GABRB2: variants seen among roughly 807,000 people sequenced by gnomAD.
GABRB2 encodes the protein gamma-aminobutyric acid receptor subunit beta-2.
In GABRB2, 16 loss-of-function variants were observed where a neutral mutation model predicts 54.7. The observed-to-expected ratio is 0.29, with a 90% CI of 0.20 to 0.44. The LOEUF (loss-of-function observed/expected upper bound fraction) is 0.44, where lower values mean the gene tolerates loss of function less well. GABRB2 is among the 20% of genes least tolerant of loss of function. The probability of loss-of-function intolerance (pLI) is 1.00; values close to 1 mark genes in which losing one functional copy is unlikely to be tolerated. For synonymous variants in GABRB2, 244 were observed against 233.8 expected, an observed-to-expected ratio of 1.04 and a Z score of -0.40; for missense variants, 355 against 644.0, an observed-to-expected ratio of 0.55 and a Z score of 4.86.
At chr5:161,459,994 G>C in intron 3 of GABRB2, 150 bp from the exon 4 acceptor site, 1 of 546,434 alleles carries the variant, frequency 1.8e-6, no homozygotes, top group South Asian at 2.8e-5. Context: ...ACCCAGGCTG[G>C]AGTGCACTGG....
At chr5:161,302,745 T>G (rs2113348526) in intron 9 of GABRB2, among the ~76,000 whole-genome samples, 1 of 152,318 alleles carries the variant, frequency 6.6e-6, no homozygotes. Context: ...CCTGGGAATA[T>G]CCAAAGCGCT....
At chr5:161,344,073 A>G (rs2113421578) in intron 5 of GABRB2, among the ~76,000 whole-genome samples, 2 of 152,230 alleles carry the variant, frequency 1.3e-5, no homozygotes, top group Middle Eastern at 6.8e-3. Context: ...TAATGAGCAT[A>G]AGTCATTTGC....
chr5:161,320,842 A>G (rs914817069), intron 9 of GABRB2, among the ~76,000 whole-genome samples: 2 of 151,976 alleles, frequency 1.3e-5, no homozygotes, highest in African/African-American at 4.8e-5. Flanking sequence ...TATGCTCTAA[A>G]TTAGCTTTCC....
At chr5:161,438,384 G>A (rs1006109389) in intron 4 of GABRB2, among the ~76,000 whole-genome samples, 1 of 152,064 alleles carries the variant, frequency 6.6e-6, no homozygotes, top group Non-Finnish European at 1.5e-5. Flanking sequence ...ATCACAACAT[G>A]CAAATCATTT....
At chr5:161,434,777 G>C (rs146404180) in intron 4 of GABRB2, among the ~76,000 whole-genome samples, 57 of 152,286 alleles carry the variant, frequency 3.7e-4, no homozygotes, top group African/African-American at 1.4e-3. Flanking sequence ...GCCCTAGGTA[G>C]CTAGGTATCC....
intron 5 of GABRB2, among the ~76,000 whole-genome samples, chr5:161,405,346 T>A (rs1561638909): frequency 6.6e-6 from 1 of 152,056 alleles, no homozygotes; most frequent in Non-Finnish European, 1.5e-5. Flanking sequence ...AATTTGATAA[T>A]GATAATGATG....
chr5:161,502,391 G>A (rs1759472875), intron 3 of GABRB2, among the ~76,000 whole-genome samples: 1 of 152,012 alleles, frequency 6.6e-6, no homozygotes, highest in Non-Finnish European at 1.5e-5. Flanking sequence ...TTGTCTGCAA[G>A]AATTGGGCTA....
At chr5:161,305,753 T>C (rs759399301) in intron 9 of GABRB2, among the ~76,000 whole-genome samples, 1 of 152,236 alleles carries the variant, frequency 6.6e-6, no homozygotes, top group Non-Finnish European at 1.5e-5. Context: ...GACATTTGTT[T>C]TGGTTTCTTT....
intron 4 of GABRB2, chr5:161,459,059 T>C (rs181497194): frequency 6.5e-6 from 1 of 153,072 alleles, no homozygotes; most frequent in Admixed American, 6.5e-5. Flanking sequence ...TCTTATTCTA[T>C]AAATTATCCT....
chr5:161,354,517 C>G (rs1049399602), intron 5 of GABRB2, among the ~76,000 whole-genome samples: 1 of 151,962 alleles, frequency 6.6e-6, no homozygotes, highest in Admixed American at 6.6e-5. Context: ...TCATCGAATT[C>G]TCCTTGTCTC....
At chr5:161,489,450 C>T (rs1013294517) in intron 3 of GABRB2, among the ~76,000 whole-genome samples, 5 of 151,516 alleles carry the variant, frequency 3.3e-5, no homozygotes, top group Non-Finnish European at 7.4e-5. Flanking sequence ...ATCTTTCTTT[C>T]TTATGTATGA....
chr5:161,295,280 T>C (rs1299742919), intron 9 of GABRB2, among the ~76,000 whole-genome samples: 1 of 152,174 alleles, frequency 6.6e-6, no homozygotes, highest in Non-Finnish European at 1.5e-5. Flanking sequence ...TCACCTCTCT[T>C]GGATAATTTC....
At chr5:161,369,828 T>C (rs1004075775) in intron 5 of GABRB2, among the ~76,000 whole-genome samples, 5 of 152,338 alleles carry the variant, frequency 3.3e-5, no homozygotes, top group Non-Finnish European at 5.9e-5. Flanking sequence ...CTTCAGTGTT[T>C]AATATGAAAT....
At position 161,289,759 on chromosome 5, in the gene GABRB2, G is replaced by A. The variant is rs1301466771; in HGVS notation, c.*4322C>T. 1.3e-5 allele frequency: 2 copies of A among 151,188 alleles called. No individual in the cohort carries two copies. Among genetic ancestry groups the A allele is most frequent in the African/African-American group, 2.4e-5 (1 of 40,872 alleles). The allele number at this position is 151,188 out of a possible 1,614,324, so 9.4% of individuals were successfully genotyped here. ...TTTCCCATAGACGGGCAGAGAGACA[G>A]AGTGGGTGAGCAAAAGATTATGTGT... On this transcript the variant is annotated 3_prime_UTR_variant, in exon 10 of 10. Coordinates refer to ENST00000393959, the MANE Select transcript of GABRB2 (RefSeq NM_001371727.1).
intron 9 of GABRB2, among the ~76,000 whole-genome samples, chr5:161,318,915 T>C (rs1758124411): frequency 6.6e-6 from 1 of 151,898 alleles, no homozygotes; most frequent in South Asian, 2.1e-4. Context: ...TTTCTTCCCT[T>C]CCATTACATT....
At chr5:161,435,183 C>A (rs1561648978) in intron 4 of GABRB2, among the ~76,000 whole-genome samples, 3 of 151,088 alleles carry the variant, frequency 2.0e-5, no homozygotes, top group Non-Finnish European at 3.0e-5. Flanking sequence ...AAATTATAAT[C>A]AAAAAATGGA....
chr5:161,408,788 G>A (rs569630009), intron 5 of GABRB2, among the ~76,000 whole-genome samples: 3 of 151,882 alleles, frequency 2.0e-5, no homozygotes, highest in Non-Finnish European at 4.4e-5. Flanking sequence ...GAGCTGAGAT[G>A]GGAAAGATGA....
At chr5:161,476,365 G>A (rs957011577) in intron 3 of GABRB2, among the ~76,000 whole-genome samples, 5 of 151,802 alleles carry the variant, frequency 3.3e-5, no homozygotes, top group African/African-American at 7.2e-5. Flanking sequence ...CACTACCCAC[G>A]GTAAACTACA....
At chr5:161,524,690 T>C (rs193090672) in intron 3 of GABRB2, among the ~76,000 whole-genome samples, 4 of 151,356 alleles carry the variant, frequency 2.6e-5, no homozygotes, top group African/African-American at 7.3e-5. Context: ...ATTAATAGAA[T>C]AGAATACAAC....
Sources: gnomAD v4.1 joint callset for allele counts (sites outside exome capture counted in the v4.1 genomes callset) on GRCh38, gnomAD v4.1.1 for gene constraint, MANE v1.5 for transcripts, NCBI Gene and HGNC (gene_info 2026-07-23, HGNC 2026-07-21) for gene names.